TENM3: variants seen among roughly 807,000 people sequenced by gnomAD.
The protein encoded by TENM3 is teneurin-3.
A neutral mutation model predicts 255.1 loss-of-function variants in TENM3; 63 were observed. The ratio of observed to expected loss-of-function variants is 0.25; its 90% CI spans 0.20 to 0.30. The LOEUF is 0.30. Among genes scored for constraint, TENM3 ranks in the 10% least tolerant of loss-of-function variants. The probability of loss-of-function intolerance (pLI) is 1.00; values close to 1 mark genes in which losing one functional copy is unlikely to be tolerated. For synonymous variants in TENM3, 1,306 were observed against 1,322.3 expected (o/e 0.99, Z 0.27); for missense variants, 2,929 against 3,461.1 (o/e 0.85, Z 3.86).
At chr4:182,337,751 A>C (rs984736396) in intron 2 of TENM3, among the ~76,000 whole-genome samples, 2 of 152,242 alleles carry the variant, frequency 1.3e-5, no homozygotes, top group Non-Finnish European at 2.9e-5. Flanking sequence ...TGGAATCACC[A>C]AGAGAATGGA....
At chr4:182,054,114 T>C in the TENM3 span, among the ~76,000 whole-genome samples, 1 of 152,162 alleles carries the variant, frequency 6.6e-6, no homozygotes, top group Non-Finnish European at 1.5e-5. Context: ...TTATCTCTTA[T>C]CACTCATTTA....
chr4:182,425,732 G>A (rs1386442184), intron 3 of TENM3, among the ~76,000 whole-genome samples: 1 of 152,174 alleles, frequency 6.6e-6, no homozygotes, highest in Non-Finnish European at 1.5e-5. Flanking sequence ...AAAGTGGGCT[G>A]GGCATGATGG....
At chr4:182,633,958 C>T (rs1751622109) in intron 5 of TENM3, among the ~76,000 whole-genome samples, 1 of 152,150 alleles carries the variant, frequency 6.6e-6, no homozygotes, top group Non-Finnish European at 1.5e-5. Flanking sequence ...CATTCCTGTG[C>T]CTAGGAATCG....
In TENM3 at chr4:182,589,446, A is replaced by ATTT. The variant is rs367629189; in HGVS notation, c.512-11461_512-11459dup. Among the ~76,000 whole-genome samples the ATTT allele has an allele frequency of 4.9e-3, 633 of 129,364 alleles. 9 individuals carry two copies. Among genetic ancestry groups the ATTT allele is most frequent in the Middle Eastern group, 0.02 (5 of 248 alleles). 84.9% of individuals were successfully genotyped at this position (129,364 alleles called of 152,430 possible). ...ATAGTGTCTAATTCTTAGGTTTTTA[A>ATTT]TTTTTTTTTTTTTTTTTTTGGTCCT... On this transcript the variant is annotated intron_variant, in intron 3 of 27. Coordinates refer to ENST00000511685, the MANE Select transcript of TENM3 (RefSeq NM_001080477.4).
chr4:181,757,125 A>G, the TENM3 span, among the ~76,000 whole-genome samples: 2 of 152,200 alleles, frequency 1.3e-5, no homozygotes, highest in African/African-American at 2.4e-5. Flanking sequence ...TGAACTTAGC[A>G]TTGTCAACAG....
intron 19 of TENM3, among the ~76,000 whole-genome samples, chr4:182,743,842 A>G (rs1348376740): frequency 6.6e-6 from 1 of 152,210 alleles, no homozygotes; most frequent in Non-Finnish European, 1.5e-5. Flanking sequence ...ACTTTTAACT[A>G]GAATATTGGA....
the TENM3 span, among the ~76,000 whole-genome samples, chr4:182,131,984 C>T: frequency 2.0e-5 from 3 of 152,140 alleles, no homozygotes; most frequent in African/African-American, 7.2e-5. Flanking sequence ...TTTTATCAGG[C>T]TGGCAAATGT....
chr4:181,471,958 T>C, the TENM3 span, among the ~76,000 whole-genome samples: 3 of 151,970 alleles, frequency 2.0e-5, no homozygotes, highest in African/African-American at 4.8e-5. Flanking sequence ...TTAGCAAAGC[T>C]TATTAGTTCA....
chr4:181,699,442 C>CAAAAAAAAAAATAAAAAA, the TENM3 span, among the ~76,000 whole-genome samples: 1 of 44,066 alleles, frequency 2.3e-5, no homozygotes, highest in Non-Finnish European at 4.1e-5. Flanking sequence ...GACCCTGTCG[C>CAAAAAAAAAAATAAAAAA]AAAAAAAAAA....
rs1033705075 is a variant in TENM3, at chr4:182,800,402, T to A, written c.*51T>A. On this transcript the variant is annotated 3_prime_UTR_variant, in exon 28 of 28. Transcript: ENST00000511685. ...CTCACGCCCTGCCCACATTGTCCTG[T>A]GGCACAACCCGAGTGGGACTCTCCA... 6.0e-6 allele frequency: 9 copies of A among 1,503,046 alleles called. No homozygotes were observed. The highest frequency in any genetic ancestry group is 4.2e-5 in the African/African-American group (3 of 71,442). The allele number at this position is 1,503,046 out of a possible 1,614,324, so 93.1% of individuals were successfully genotyped here.
chr4:182,710,265 T>G (rs1305017711), intron 12 of TENM3, among the ~76,000 whole-genome samples: 1 of 152,182 alleles, frequency 6.6e-6, no homozygotes, highest in Non-Finnish European at 1.5e-5. Flanking sequence ...TATGTTCAAA[T>G]CATCAATTAA....
At chr4:182,071,004 G>C in the TENM3 span, among the ~76,000 whole-genome samples, 1 of 152,070 alleles carries the variant, frequency 6.6e-6, no homozygotes, top group African/African-American at 2.4e-5. Flanking sequence ...CCCTCTTGAG[G>C]ATGAGCCCAG....
At chr4:182,670,880 A>G (rs914774478) in intron 6 of TENM3, among the ~76,000 whole-genome samples, 2 of 152,324 alleles carry the variant, frequency 1.3e-5, no homozygotes, top group African/African-American at 4.8e-5. Flanking sequence ...ACCCATAATC[A>G]GTCTTCAAGT....
chr4:181,937,843 TAA>T, the TENM3 span, among the ~76,000 whole-genome samples: 1 of 152,194 alleles, frequency 6.6e-6, no homozygotes, highest in Non-Finnish European at 1.5e-5. Context: ...TGGAAAGTTT[TAA>T]AAGTCTCTTC....
intron 1 of TENM3, among the ~76,000 whole-genome samples, chr4:182,181,799 T>A (rs1158857794): frequency 6.6e-6 from 1 of 152,186 alleles, no homozygotes; most frequent in Non-Finnish European, 1.5e-5. Flanking sequence ...ATTTGGTAAG[T>A]GTCAAATTAT....
upstream of TENM3, among the ~76,000 whole-genome samples, chr4:182,240,393 G>A (rs1378772607): frequency 2.0e-5 from 3 of 152,042 alleles, no homozygotes; most frequent in African/African-American, 4.8e-5. Context: ...ATTTTCTCCC[G>A]GCTATCATCA....
chr4:181,587,391 A>G, the TENM3 span, among the ~76,000 whole-genome samples: 1 of 152,168 alleles, frequency 6.6e-6, no homozygotes, highest in African/African-American at 2.4e-5. Flanking sequence ...GAAGACCCGC[A>G]CTATCCTCTC....
chr4:182,029,203 G>C, the TENM3 span, among the ~76,000 whole-genome samples: 1 of 152,012 alleles, frequency 6.6e-6, no homozygotes, highest in African/African-American at 2.4e-5. Flanking sequence ...AGAACAAGCA[G>C]GGGAGGTACT....
the TENM3 span, among the ~76,000 whole-genome samples, chr4:182,007,465 T>C: frequency 6.6e-6 from 1 of 152,242 alleles, no homozygotes; most frequent in Non-Finnish European, 1.5e-5. Flanking sequence ...TTGATCCCTT[T>C]ACCATTACAT....
Sources: allele counts gnomAD v4.1 joint callset (sites outside exome capture counted in the v4.1 genomes callset), GRCh38; gene constraint gnomAD v4.1.1; transcripts MANE v1.5; gene names NCBI Gene and HGNC (gene_info 2026-07-23, HGNC 2026-07-21).